Variants in SOX13 observed in about 807,000 individuals in gnomAD.
The protein encoded by SOX13 is transcription factor SOX-13.
SOX13 carries 28 observed loss-of-function variants against 71.8 expected under a neutral mutation model. That is an observed-to-expected ratio of 0.39 (90% CI 0.29 to 0.53). The LOEUF (loss-of-function observed/expected upper bound fraction) is 0.53. Ranked by LOEUF, SOX13 falls within the 20% of genes least tolerant of loss-of-function variation. The pLI, the probability that SOX13 is intolerant of heterozygous loss-of-function variation, is 0.70. For missense variants in SOX13, 627 were observed against 810.3 expected (o/e 0.77, Z 2.75); for synonymous variants, 309 against 317.8 (o/e 0.97, Z 0.29).
chr1:204,101,289 G>A (rs1455904868), intron 1 of SOX13, among the ~76,000 whole-genome samples: 1 of 152,110 alleles, frequency 6.6e-6, no homozygotes, highest in East Asian at 1.9e-4. Context: ...TGGGATCCCA[G>A]GATGCTGTGT....
At chr1:204,101,709 G>A (rs1656364899) in intron 1 of SOX13, among the ~76,000 whole-genome samples, 1 of 151,978 alleles carries the variant, frequency 6.6e-6, no homozygotes, top group South Asian at 2.1e-4. Flanking sequence ...GGTAGGTATT[G>A]TTAGCCCCCA....
chr1:204,116,116 C>G (rs1452075920), intron 4 of SOX13: 1 of 1,178,724 alleles, frequency 8.5e-7, no homozygotes, highest in African/African-American at 1.6e-5. Flanking sequence ...AATTTGACCC[C>G]AGACCTGTCT....
At chr1:204,117,848 AT>A in intron 7 of SOX13, 141 bp downstream of exon 7, 2 of 615,746 alleles carry the variant, frequency 3.2e-6, no homozygotes, top group Non-Finnish European at 5.9e-6. Context: ...TAGAAGAATC[AT>A]CCTCTTTTTC....
intron 1 of SOX13, among the ~76,000 whole-genome samples, chr1:204,088,727 C>G (rs10736844): frequency 0.87 from 132,402 of 152,092 alleles, 57,804 homozygotes; most frequent in Middle Eastern, 0.94. Flanking sequence ...TTAGCACAGA[C>G]GGCTGGATGC....
chr1:204,112,527 A>ACACACACTCACACT (rs34093119), intron 1 of SOX13, among the ~76,000 whole-genome samples: 2 of 147,790 alleles, frequency 1.4e-5, no homozygotes, highest in Non-Finnish European at 3.0e-5. Flanking sequence ...ACACACACAC[A>ACACACACTCACACT]CTTTCTCTCT....
At chr1:204,120,365 T>A (rs1020174006) in intron 7 of SOX13, among the ~76,000 whole-genome samples, 1 of 152,206 alleles carries the variant, frequency 6.6e-6, no homozygotes, top group Non-Finnish European at 1.5e-5. Context: ...TCTGGGCAGG[T>A]AAGGCAGTAA....
intron 1 of SOX13, among the ~76,000 whole-genome samples, chr1:204,077,978 A>AT (rs773354699): frequency 1.3e-4 from 19 of 151,868 alleles, no homozygotes; most frequent in East Asian, 1.9e-4. Context: ...CACCTGGCTA[A>AT]TTTTTTTGTA....
chr1:204,079,343 A>ATTT lies in SOX13; in HGVS notation c.-2+5650_-2+5652dup, dbSNP rs746260553. ...TGTGGTGTGGTCCACAGCATAGAAC[A>ATTT]TTTTTTTTTTTTTTTTTTTTGAGAC... is the stretch of plus-strand genomic sequence containing the variant. On this transcript the variant is annotated intron_variant, in intron 1 of 13. Transcript: ENST00000367204. Among the ~76,000 whole-genome samples the ATTT allele has an allele frequency of 5.3e-4, 59 of 110,814 alleles. 3 individuals carry two copies. Among genetic ancestry groups the ATTT allele is most frequent in the African/African-American group, 1.5e-3 (42 of 28,050 alleles). 72.7% of individuals were successfully genotyped at this position (110,814 alleles called of 152,430 possible). A position where few individuals can be genotyped will look rare whatever the true frequency, so the allele number is the denominator to read the frequency against.
At position 204,124,871 on chromosome 1, in the gene SOX13, C is replaced by T. The variant is rs114327971; in HGVS notation, c.1592+14C>T. 1 of 1,543,540 alleles carries T rather than the reference C, an allele frequency of 6.5e-7. No homozygotes were observed. The highest frequency in any genetic ancestry group is 1.4e-5 in the African/African-American group (1 of 73,100). On this transcript the variant is annotated intron_variant, in intron 13 of 13. Transcript: ENST00000367204. ...CTACGTGATCCCGTGAGCAGGCCCCCCCGCAGGCAGCCAGGAGACTGTGTG... is the reference window on the plus strand; with the variant it reads ...CTACGTGATCCCGTGAGCAGGCCCCTCCGCAGGCAGCCAGGAGACTGTGTG...
Position 204,116,804 on chromosome 1 carries a change from G to T in SOX13, c.591+125G>T, listed in dbSNP as rs549977535. 5.3e-6 allele frequency: 8 copies of T among 1,498,286 alleles called. No individual in the cohort carries two copies. In the African/African-American group the frequency reaches 7.0e-5, roughly 13 times the overall value. The allele number at this position is 1,498,286 out of a possible 1,614,324, so 92.8% of individuals were successfully genotyped here. A position where few individuals can be genotyped will look rare whatever the true frequency, so the allele number is the denominator to read the frequency against. On this transcript the variant is annotated intron_variant, in intron 5 of 13. Coordinates refer to ENST00000367204, the MANE Select transcript of SOX13 (RefSeq NM_005686.3). Reference sequence around the variant, plus strand: ...GGGGCCTGGGGGCAGGCTGGGCAGGGTCTGTGGCCAGGGGCTGTAGGATTC... The same window carrying T: ...GGGGCCTGGGGGCAGGCTGGGCAGGTTCTGTGGCCAGGGGCTGTAGGATTC...
chr1:204,122,107 C>G, intron 8 of SOX13, 122 bp downstream of exon 8: 1 of 1,041,682 alleles, frequency 9.6e-7, no homozygotes, highest in Admixed American at 2.3e-5. Flanking sequence ...TGTTCACCCG[C>G]TCCTTCTGCG....
intron 1 of SOX13, among the ~76,000 whole-genome samples, chr1:204,098,880 T>G (rs1656306046): frequency 6.6e-6 from 1 of 152,222 alleles, no homozygotes; most frequent in Non-Finnish European, 1.5e-5. Flanking sequence ...CAGGCTCCAT[T>G]GAGCTCTTCA....
chr1:204,108,660 AC>A, intron 1 of SOX13, among the ~76,000 whole-genome samples: 1 of 152,098 alleles, frequency 6.6e-6, no homozygotes, highest in East Asian at 1.9e-4. Flanking sequence ...GTGAGGAGGG[AC>A]CCGGTGGCCG....
chr1:204,096,499 C>T (rs1436564747), intron 1 of SOX13, among the ~76,000 whole-genome samples: 1 of 151,890 alleles, frequency 6.6e-6, no homozygotes, highest in Non-Finnish European at 1.5e-5. Context: ...TCACTGCAGC[C>T]TCCATCTCGT....
intron 1 of SOX13, among the ~76,000 whole-genome samples, chr1:204,110,773 A>G (rs1383410776): frequency 3.3e-5 from 5 of 152,194 alleles, no homozygotes; most frequent in Non-Finnish European, 7.3e-5. Flanking sequence ...ATGCATCCAT[A>G]CAGAGCTGAT....
intron 12 of SOX13, 136 bp from the exon 13 acceptor site, chr1:204,124,505 G>T (rs1301689313): frequency 2.8e-6 from 2 of 714,686 alleles, no homozygotes; most frequent in Non-Finnish European, 4.8e-6. Context: ...TATCGGGCCA[G>T]GCCCTTGCTA....
chr1:204,095,013 A>G (rs1379062689), intron 1 of SOX13, among the ~76,000 whole-genome samples: 1 of 152,054 alleles, frequency 6.6e-6, no homozygotes, highest in Non-Finnish European at 1.5e-5. Context: ...ACTCCCTTCT[A>G]TGAGCGCAGA....
At chr1:204,075,424 T>C (rs1231812822) in intron 1 of SOX13, among the ~76,000 whole-genome samples, 4 of 152,250 alleles carry the variant, frequency 2.6e-5, no homozygotes, top group East Asian at 1.9e-4. Flanking sequence ...CTGTGCTTCA[T>C]TAGAAAGCGC....
intron 4 of SOX13, among the ~76,000 whole-genome samples, chr1:204,115,199 C>T (rs1023101270): frequency 3.3e-5 from 5 of 151,658 alleles, no homozygotes; most frequent in Admixed American, 2.0e-4. Flanking sequence ...GTAGAGATGA[C>T]GTCTTACTAT....
Sources: gnomAD v4.1 joint callset for allele counts (sites outside exome capture counted in the v4.1 genomes callset) on GRCh38, gnomAD v4.1.1 for gene constraint, MANE v1.5 for transcripts, NCBI Gene and HGNC (gene_info 2026-07-23, HGNC 2026-07-21) for gene names.